BIRC2: variants seen among roughly 807,000 people sequenced by gnomAD.
The protein encoded by BIRC2 is baculoviral IAP repeat containing 2.
In BIRC2, 18 loss-of-function variants were observed where a neutral mutation model predicts 60.9. That is an observed-to-expected ratio of 0.30 (90% CI 0.20 to 0.44). The LOEUF is 0.44. Ranked by LOEUF, BIRC2 falls within the 20% of genes least tolerant of loss-of-function variation. BIRC2 has a pLI of 1.00. For missense variants in BIRC2, 701 were observed against 728.5 expected, an observed-to-expected ratio of 0.96 and a Z score of 0.43; for synonymous variants, 282 against 247.7, an observed-to-expected ratio of 1.14 and a Z score of -1.30.
intron 6 of BIRC2, among the ~76,000 whole-genome samples, chr11:102,371,911 G>A (rs1951636452): frequency 6.6e-6 from 1 of 152,108 alleles, no homozygotes; most frequent in Admixed American, 6.5e-5. Context: ...TGTATGTGTT[G>A]AGGAATTTAT....
chr11:102,372,146 GT>G (rs1219999326), intron 6 of BIRC2, among the ~76,000 whole-genome samples: 4 of 149,694 alleles, frequency 2.7e-5, no homozygotes, highest in African/African-American at 7.4e-5. Flanking sequence ...TTTTTGAAGG[GT>G]TTTTTTGTGT....
At chr11:102,364,172 T>TATACACATAC (rs1230739714) in intron 5 of BIRC2, among the ~76,000 whole-genome samples, 1 of 89,706 alleles carries the variant, frequency 1.1e-5, no homozygotes, top group East Asian at 3.6e-4. Flanking sequence ...TATATATATA[T>TATACACATAC]ATACACACAC....
rs1317601350 is a variant in BIRC2 at position 102,348,768 on chromosome 11, A to G, written c.-1087A>G. 3 of 368,226 alleles carry G rather than the reference A, an allele frequency of 8.1e-6. No homozygotes were observed. In the Admixed American group the frequency reaches 1.2e-4, roughly 14 times the overall value. 22.8% of individuals were successfully genotyped at this position (368,226 alleles called of 1,614,324 possible). A position where few individuals can be genotyped will look rare whatever the true frequency, so the allele number is the denominator to read the frequency against. The stretch of plus-strand genomic sequence containing the variant: ...TTGAAGAGTTTTCAGAAAGAAGGCT[A>G]GTAGAGTTGATTACTGATACTTTAT... On this transcript the variant is annotated 5_prime_UTR_variant, in exon 2 of 9. The change abolishes the stop of an existing upstream ORF in the 5' untranslated region. Coordinates refer to ENST00000227758, the MANE Select transcript of BIRC2 (RefSeq NM_001166.5).
intron 3 of BIRC2, among the ~76,000 whole-genome samples, chr11:102,352,688 C>T (rs1299742374): frequency 6.6e-6 from 1 of 152,190 alleles, no homozygotes; most frequent in Non-Finnish European, 1.5e-5. Context: ...ACCTTTGCCT[C>T]CGAAAGTGCT....
In BIRC2 at chr11:102,350,556, T is replaced by C; in HGVS notation, c.702T>C (p.Asp234=). 1.2e-6 allele frequency: 2 copies of C among 1,614,232 alleles called. No individual in the cohort carries two copies. The highest frequency in any genetic ancestry group is 1.7e-6 in the Non-Finnish European group (2 of 1,180,038). Reference sequence around the variant, plus strand: ...AGCTCAGTAACTGGGAACCAAAGGATGATGCTATGTCAGAACACCGGAGGC... The same window carrying C: ...AGCTCAGTAACTGGGAACCAAAGGACGATGCTATGTCAGAACACCGGAGGC... ...GGKLSNWEPK[D]DAMSEHRRHF... is the part of the protein sequence containing the mutation. Residue 234 remains aspartate, a synonymous_variant, in exon 2 of 9, where the codon GAT becomes GAC. Coordinates refer to ENST00000227758, the MANE Select transcript of BIRC2 (RefSeq NM_001166.5).
At chr11:102,374,774 T>C (rs34588864) in intron 6 of BIRC2, among the ~76,000 whole-genome samples, 123 of 152,258 alleles carry the variant, frequency 8.1e-4, no homozygotes, top group South Asian at 3.9e-3. Context: ...GCCTCGCTGC[T>C]GCCTTGCAGT....
rs762201946 is a variant in BIRC2 at position 102,350,401 on chromosome 11, A to C, written c.547A>C (p.Thr183Pro). Residue 183 changes from threonine (T) to proline (P), a missense_variant, in exon 2 of 9, where the codon ACT becomes CCT. Thr to Pro is a conservative substitution (Grantham distance 38, BLOSUM62 -1). Transcript: ENST00000227758. ...RTNPYSYAMS[T>P]EEARFLTYHM... ...TAACCCCTACAGTTATGCAATGAGT[A>C]CTGAAGAAGCCAGATTTCTTACCTA... 1.2e-6 allele frequency: 2 copies of C among 1,614,102 alleles called. No homozygotes were observed. The highest frequency in any genetic ancestry group is 1.7e-6 in the Non-Finnish European group (2 of 1,180,044).
At chr11:102,348,464 A>C (rs938117254) in intron 1 of BIRC2, 134 bp from the exon 2 acceptor site, 1 of 157,512 alleles carries the variant, frequency 6.3e-6, no homozygotes, top group Non-Finnish European at 1.4e-5. Context: ...AGTTGTGACA[A>C]ATTGCTGGAA....
chr11:102,358,630 CTGTT>C (rs538112806), intron 3 of BIRC2, among the ~76,000 whole-genome samples: 18 of 152,168 alleles, frequency 1.2e-4, no homozygotes, highest in African/African-American at 3.6e-4. Context: ...AATATTTTCT[CTGTT>C]TATTTAGGTG....
At position 102,350,602 on chromosome 11, in the gene BIRC2, T is replaced by C. The variant is rs780258569; in HGVS notation, c.748T>C (p.Leu250=). The change falls in exon 2 of 9, where the codon TTG becomes CTG. Residue 250 remains leucine (L), a synonymous_variant. Coordinates refer to ENST00000227758, the MANE Select transcript of BIRC2 (RefSeq NM_001166.5). ...GAGGCATTTTCCCAACTGTCCATTT[T>C]TGGAAAATTCTCTAGAAACTCTGAG... ...HRRHFPNCPF[L]ENSLETLRFS... The C allele has an allele frequency of 4.0e-5, 65 of 1,614,082 alleles. No homozygotes were observed. The highest frequency in any genetic ancestry group is 4.8e-5 in the Non-Finnish European group (57 of 1,180,038).
rs749720541 is a variant in BIRC2 at position 102,350,729 on chromosome 11, G to A, written c.875G>A (p.Ser292Asn). 3 of 1,605,998 alleles carry A rather than the reference G, an allele frequency of 1.9e-6. No individual in the cohort carries two copies. The highest frequency in any genetic ancestry group is 2.2e-5 in the East Asian group (1 of 44,814). The change falls in exon 2 of 9, where the codon AGT becomes AAT. Residue 292 changes from serine to asparagine, a missense_variant. Physicochemically the swap from Ser to Asn is conservative, Grantham distance 46 (BLOSUM62 1). Around this residue, in one of 4 missense-constraint regions of BIRC2, gnomAD observed 375 missense variants for 365.9 expected, o/e 1.02. Transcript: ENST00000227758. ...CCAGTTCAGCCTGAGCAGCTTGCAAGTGCTGGTTTTTATTATGTGGGTAAG... is the reference window on the plus strand; with the variant it reads ...CCAGTTCAGCCTGAGCAGCTTGCAAATGCTGGTTTTTATTATGTGGGTAAG... ...SVPVQPEQLASAGFYYVGRND... is the reference protein window; with the variant it reads ...SVPVQPEQLANAGFYYVGRND...
chr11:102,368,468 A>C lies in BIRC2; in HGVS notation c.1286A>C (p.Asp429Ala). The change falls in exon 6 of 9, where the codon GAT (aspartate) becomes GCT (alanine). Residue 429 changes from aspartate to alanine, a missense_variant. Physicochemically the swap from Asp to Ala is moderately radical, Grantham distance 126. Around this residue, in one of 4 missense-constraint regions of BIRC2, gnomAD observed 235 missense variants for 208.9 expected, o/e 1.12. Transcript: ENST00000227758. The part of the protein sequence containing the change: ...TTGENYKTVN[D>A]IVSALLNAED... ...GGAGAGAACTATAAAACAGTTAATG[A>C]TATTGTGTCAGCACTTCTTAATGCT... 6.2e-7 allele frequency: 1 copy of C among 1,614,010 alleles called. No homozygotes were observed. Among genetic ancestry groups the C allele is most frequent in the Non-Finnish European group, 8.5e-7 (1 of 1,179,962 alleles).
At chr11:102,375,607 C>A (rs551411528) in intron 6 of BIRC2, among the ~76,000 whole-genome samples, 2 of 152,074 alleles carry the variant, frequency 1.3e-5, no homozygotes, top group South Asian at 2.1e-4. Context: ...GATGAAACCC[C>A]GTCTTGACTA....
chr11:102,368,653 T>G, intron 6 of BIRC2, 105 bp downstream of exon 6: 1 of 1,441,962 alleles, frequency 6.9e-7, no homozygotes, highest in South Asian at 1.4e-5. Context: ...TAACTGCTGG[T>G]AGCAGTCCTC....
In BIRC2 at chr11:102,349,833, C is replaced by G. The variant is rs767218068; in HGVS notation, c.-22C>G. 6.5e-7 allele frequency: 1 copy of G among 1,535,680 alleles called. No individual in the cohort carries two copies. On this transcript the variant is annotated 5_prime_UTR_variant, in exon 2 of 9. It adds an upstream start codon to the 5' untranslated region. Transcript: ENST00000227758. ...AATTTCATGTGAATGTTTTAGCTATCAAACAGTACTGTCACCTACTCATGC... is the reference window on the plus strand; with the variant it reads ...AATTTCATGTGAATGTTTTAGCTATGAAACAGTACTGTCACCTACTCATGC...
chr11:102,376,004 G>A (rs1351921611), intron 6 of BIRC2, among the ~76,000 whole-genome samples: 5 of 151,738 alleles, frequency 3.3e-5, no homozygotes, highest in Admixed American at 1.3e-4. Context: ...CTTGGGAAGT[G>A]GGAGGGACTT....
chr11:102,369,188 AG>A (rs1951592003), intron 6 of BIRC2, among the ~76,000 whole-genome samples: 1 of 150,618 alleles, frequency 6.6e-6, no homozygotes, highest in African/African-American at 2.4e-5. Context: ...TTATACTTTA[AG>A]TTTTAGGGTA....
intron 3 of BIRC2, among the ~76,000 whole-genome samples, chr11:102,351,216 A>G (rs1951354728): frequency 6.6e-6 from 1 of 152,238 alleles, no homozygotes; most frequent in Non-Finnish European, 1.5e-5. Flanking sequence ...TTACAAAGAC[A>G]TATAAAATAG....
intron 3 of BIRC2, among the ~76,000 whole-genome samples, chr11:102,352,694 G>T (rs1487183697): frequency 6.6e-6 from 1 of 152,170 alleles, no homozygotes; most frequent in African/African-American, 2.4e-5. Context: ...GCCTCCGAAA[G>T]TGCTGGGATT....
Sources: gnomAD v4.1 joint callset for allele counts (sites outside exome capture counted in the v4.1 genomes callset) on GRCh38, gnomAD v4.1.1 for gene constraint, gnomAD v4.1.1 regional missense constraint, MANE v1.5 for transcripts, NCBI Gene and HGNC (gene_info 2026-07-23, HGNC 2026-07-21) for gene names.